NRG3: variants seen among roughly 807,000 people sequenced by gnomAD.
The protein encoded by NRG3 is neuregulin 3.
NRG3 carries 31 observed loss-of-function variants against 66.9 expected under a neutral mutation model. The ratio of observed to expected loss-of-function variants is 0.46; its 90% CI spans 0.35 to 0.63. The LOEUF is 0.63. Ranked by LOEUF, NRG3 falls within the 20% of genes least tolerant of loss-of-function variation. The pLI, the probability that NRG3 is intolerant of heterozygous loss-of-function variation, is 0.00. For missense variants in NRG3, 910 were observed against 878.9 expected, an observed-to-expected ratio of 1.04 and a Z score of -0.45; for synonymous variants, 393 against 359.4, an observed-to-expected ratio of 1.09 and a Z score of -1.06.
intron 2 of NRG3, among the ~76,000 whole-genome samples, chr10:82,408,090 A>AGAAAGAGAGAAG (rs2087723398): frequency 1.5e-5 from 1 of 65,132 alleles, no homozygotes; most frequent in African/African-American, 5.6e-5. Flanking sequence ...AGAGACAGAA[A>AGAAAGAGAGAAG]GAAAGAAAGA....
At position 82,109,535 on chromosome 10, in the gene NRG3, TTGTGTGTG is replaced by T. The variant is rs747213240; in HGVS notation, c.823+233408_823+233415del. 7.2e-3 allele frequency among the ~76,000 whole-genome samples: 1,001 copies of T among 138,832 alleles called. 9 individuals carry two copies. The highest frequency in any genetic ancestry group is 0.022 in the African/African-American group (842 of 37,722). The allele number at this position is 138,832 out of a possible 152,430, so 91.1% of individuals were successfully genotyped here. The stretch of plus-strand genomic sequence containing the variant: ...TAGGAAACAAAGCTAAAGAATAAGA[TTGTGTGTG>T]TGTGTGTGTGTGTGTGTGTGTGTGT... On this transcript the variant is annotated intron_variant, in intron 1 of 8. Coordinates refer to ENST00000372141, the MANE Select transcript of NRG3 (RefSeq NM_001010848.4).
chr10:82,641,010 GTTTTTTTTTTTTTTTTTTTTTTTTT>G lies in NRG3; in HGVS notation c.954-97553_954-97529del, dbSNP rs898352861. ...GGGTCTTTAAATTTTTCAGTCTGTC[GTTTTTTTTTTTTTTTTTTTTTTTTT>G]TTTTTTTTTTTTTGAGACGGAGTCT... On this transcript the variant is annotated intron_variant, in intron 2 of 8. Transcript: ENST00000372141. 1.3e-4 allele frequency among the ~76,000 whole-genome samples: 2 copies of G among 15,752 alleles called. 1 individual carries two copies. Among genetic ancestry groups the G allele is most frequent in the East Asian group, 2.7e-3 (2 of 730 alleles). 10.3% of individuals were successfully genotyped at this position (15,752 alleles called of 152,430 possible). A position where few individuals can be genotyped will look rare whatever the true frequency, so the allele number is the denominator to read the frequency against.
intron 1 of NRG3, among the ~76,000 whole-genome samples, chr10:82,162,391 G>A (rs770597551): frequency 6.6e-6 from 1 of 152,080 alleles, no homozygotes; most frequent in Admixed American, 6.6e-5. Flanking sequence ...TACAGGGCAG[G>A]CTACTGCATC....
intron 3 of NRG3, among the ~76,000 whole-genome samples, chr10:82,817,846 C>A (rs2061779873): frequency 1.3e-5 from 2 of 152,180 alleles, no homozygotes; most frequent in Admixed American, 1.3e-4. Context: ...GTGGCTGATC[C>A]ATTGAAGACC....
intron 4 of NRG3, among the ~76,000 whole-genome samples, chr10:82,878,061 A>C (rs1841991987): frequency 1.3e-5 from 2 of 152,214 alleles, no homozygotes; most frequent in African/African-American, 4.8e-5. Flanking sequence ...CACATACATC[A>C]GAATAGTTCG....
At chr10:82,702,652 A>C (rs938190256) in intron 2 of NRG3, among the ~76,000 whole-genome samples, 2 of 152,178 alleles carry the variant, frequency 1.3e-5, no homozygotes, top group Non-Finnish European at 2.9e-5. Flanking sequence ...TGAAACTATC[A>C]GGAAGCAGTG....
intron 1 of NRG3, among the ~76,000 whole-genome samples, chr10:82,187,867 A>G (rs999010662): frequency 6.6e-6 from 1 of 152,176 alleles, no homozygotes; most frequent in African/African-American, 2.4e-5. Context: ...CTCATCTAGA[A>G]TACTATGTTC....
At chr10:82,647,251 G>A (rs979796704) in intron 2 of NRG3, among the ~76,000 whole-genome samples, 31 of 152,020 alleles carry the variant, frequency 2.0e-4, no homozygotes, top group African/African-American at 7.0e-4. Context: ...GAGAATATGC[G>A]GTGTTTGGTT....
chr10:82,302,888 A>ACT (rs1410880370), intron 1 of NRG3, among the ~76,000 whole-genome samples: 1 of 152,178 alleles, frequency 6.6e-6, no homozygotes, highest in Non-Finnish European at 1.5e-5. Flanking sequence ...TGTCTAGCTT[A>ACT]AGGCAATGTA....
chr10:82,977,265 G>T (rs1852356773), intron 7 of NRG3, among the ~76,000 whole-genome samples: 1 of 152,120 alleles, frequency 6.6e-6, no homozygotes, highest in Non-Finnish European at 1.5e-5. Context: ...GGCTTAGTGA[G>T]CTATCTAGAC....
chr10:82,482,323 A>G (rs928958012), intron 2 of NRG3, among the ~76,000 whole-genome samples: 1 of 152,146 alleles, frequency 6.6e-6, no homozygotes, highest in Non-Finnish European at 1.5e-5. Flanking sequence ...CTGGAACAAG[A>G]TTTTTCATCT....
At chr10:82,675,110 C>T (rs2053584939) in intron 2 of NRG3, among the ~76,000 whole-genome samples, 1 of 152,020 alleles carries the variant, frequency 6.6e-6, no homozygotes, top group Non-Finnish European at 1.5e-5. Context: ...AGGCACCCGC[C>T]ATCATGCTGG....
At chr10:82,805,170 C>T (rs1038385751) in intron 3 of NRG3, among the ~76,000 whole-genome samples, 2 of 152,154 alleles carry the variant, frequency 1.3e-5, no homozygotes, top group African/African-American at 4.8e-5. Context: ...CAGTTGATGG[C>T]AATGCTGCAA....
rs566498410 is a variant in NRG3, at chr10:81,948,409, C to A, written c.823+72246C>A. On this transcript the variant is annotated intron_variant, in intron 1 of 8. Transcript: ENST00000372141. ...GGGAAGAAGGTCATAGTTTATATTTCTTGAGATTATACACTTTCTCTCTCA... is the reference window on the plus strand; with the variant it reads ...GGGAAGAAGGTCATAGTTTATATTTATTGAGATTATACACTTTCTCTCTCA... 1.4e-4 allele frequency among the ~76,000 whole-genome samples: 21 copies of A among 152,256 alleles called. No individual in the cohort carries two copies. The South Asian group carries it at 1.7e-3, about 12-fold the overall frequency.
In NRG3 at chr10:82,860,654, A is replaced by G. The variant is rs371341989; in HGVS notation, c.1028-4757A>G. Among the ~76,000 whole-genome samples, 23 of 152,318 alleles carry G rather than the reference A, an allele frequency of 1.5e-4. No homozygotes were observed. In the East Asian group the frequency reaches 2.7e-3, roughly 18 times the overall value. On this transcript the variant is annotated intron_variant, in intron 3 of 8. Coordinates refer to ENST00000372141, the MANE Select transcript of NRG3 (RefSeq NM_001010848.4). ...CTCAGTAAATGTTACCCACTACTGT[A>G]TAATCCAAAGGTGGGAGTGTTCCAA...
chr10:82,350,886 G>C (rs571027458), intron 1 of NRG3, among the ~76,000 whole-genome samples: 11 of 139,118 alleles, frequency 7.9e-5, no homozygotes, highest in African/African-American at 3.5e-4. Context: ...AGGTGGTTGT[G>C]TTAACTCTTC....
intron 1 of NRG3, among the ~76,000 whole-genome samples, chr10:81,990,678 C>T (rs1250334233): frequency 1.3e-5 from 2 of 151,968 alleles, no homozygotes; most frequent in Non-Finnish European, 2.9e-5. Flanking sequence ...GGAAGGTTTT[C>T]GATGGAATTC....
chr10:81,900,517 C>T (rs1019230620), intron 1 of NRG3, among the ~76,000 whole-genome samples: 4 of 152,278 alleles, frequency 2.6e-5, no homozygotes, highest in Non-Finnish European at 4.4e-5. Flanking sequence ...GATTTAGATT[C>T]GCATATCAGC....
intron 1 of NRG3, among the ~76,000 whole-genome samples, chr10:82,279,073 T>C (rs1309725263): frequency 6.6e-6 from 1 of 152,194 alleles, no homozygotes; most frequent in East Asian, 1.9e-4. Context: ...ATAGCTACTT[T>C]GCTTATTGCT....
Sources: gnomAD v4.1 joint callset for allele counts (sites outside exome capture counted in the v4.1 genomes callset) on GRCh38, gnomAD v4.1.1 for gene constraint, MANE v1.5 for transcripts, NCBI Gene and HGNC (gene_info 2026-07-23, HGNC 2026-07-21) for gene names.